The following BDP1 variants were observed in gnomAD, a reference collection of about 807,000 sequenced individuals.
The protein encoded by BDP1 is transcription factor TFIIIB component B'' homolog.
A neutral mutation model predicts 266.6 loss-of-function variants in BDP1; 169 were observed. That is an observed-to-expected ratio of 0.63 (90% confidence interval 0.56 to 0.72). BDP1 has a LOEUF of 0.72. BDP1 is among the 30% of genes least tolerant of loss of function. BDP1 has a pLI of 0.00. For synonymous variants in BDP1, 1,090 were observed against 1,022.4 expected, an observed-to-expected ratio of 1.07 and a Z score of -1.26; for missense variants, 3,015 against 3,053.8, an observed-to-expected ratio of 0.99 and a Z score of 0.30.
chr5:71,485,775 T>G (rs1360780616), intron 8 of BDP1, among the ~76,000 whole-genome samples: 1 of 152,192 alleles, frequency 6.6e-6, no homozygotes, highest in African/African-American at 2.4e-5. Flanking sequence ...CTGATACTTA[T>G]AAGAGTAAAT....
chr5:71,537,790 T>A (rs952168533), intron 26 of BDP1: 2 of 166,694 alleles, frequency 1.2e-5, no homozygotes, highest in African/African-American at 4.8e-5. Context: ...ACTAATCTCA[T>A]CTTGGGCTCT....
the BDP1 span, among the ~76,000 whole-genome samples, chr5:71,574,155 G>T: frequency 6.6e-6 from 1 of 152,152 alleles, no homozygotes; most frequent in Admixed American, 6.5e-5. Flanking sequence ...GGAGCCAAGG[G>T]TCAGACCCTA....
At chr5:71,495,659 G>C (rs1157402473) in intron 12 of BDP1, among the ~76,000 whole-genome samples, 1 of 152,048 alleles carries the variant, frequency 6.6e-6, no homozygotes. Context: ...TTTTAGGAAG[G>C]TGGTAACTTA....
intron 18 of BDP1, among the ~76,000 whole-genome samples, chr5:71,512,898 A>G (rs1765007739): frequency 6.6e-6 from 1 of 151,736 alleles, no homozygotes; most frequent in Non-Finnish European, 1.5e-5. Flanking sequence ...TCTCTATAAA[A>G]TAAAAAAACA....
chr5:71,573,289 T>C, the BDP1 span, among the ~76,000 whole-genome samples: 10 of 150,970 alleles, frequency 6.6e-5, no homozygotes, highest in African/African-American at 2.4e-4. Context: ...AAAATTGGCC[T>C]ATACCACCTG....
intron 7 of BDP1, among the ~76,000 whole-genome samples, chr5:71,481,765 TC>T: frequency 6.6e-6 from 1 of 152,336 alleles, no homozygotes; most frequent in East Asian, 1.9e-4. Context: ...TTTATTATTT[TC>T]TTCTTTTCCC....
At chr5:71,552,039 C>T (rs1265889380) in intron 34 of BDP1, among the ~76,000 whole-genome samples, 1 of 149,892 alleles carries the variant, frequency 6.7e-6, no homozygotes, top group Non-Finnish European at 1.5e-5. Context: ...GGCTGCCGGG[C>T]GGAGACGCTC....
intron 28 of BDP1, 34 bp downstream of exon 28, chr5:71,539,683 A>G: frequency 7.0e-7 from 1 of 1,438,266 alleles, no homozygotes; most frequent in Non-Finnish European, 9.6e-7. Context: ...TCAAAAATAG[A>G]AACTTTTAAA....
At chr5:71,492,362 T>C (rs991076328) in intron 11 of BDP1, among the ~76,000 whole-genome samples, 1 of 152,196 alleles carries the variant, frequency 6.6e-6, no homozygotes. Flanking sequence ...CCACCAACAA[T>C]GTACAGGGTT....
chr5:71,455,765 G>A lies in BDP1; in HGVS notation c.-113G>A, dbSNP rs1423540888. 5 of 869,650 alleles carry A rather than the reference G, an allele frequency of 5.7e-6. No individual in the cohort carries two copies. In the Admixed American group the frequency reaches 1.4e-4, roughly 25 times the overall value. The allele number at this position is 869,650 out of a possible 1,614,324, so 53.9% of individuals were successfully genotyped here. On this transcript the variant is annotated 5_prime_UTR_variant, in exon 1 of 39. It adds an upstream start codon to the 5' untranslated region. Transcript: ENST00000358731. ...ACTACGGTAGCTGCCCCCTGAGCTG[G>A]TGGTGTGGCTTTGTGGGGAGGGCGT...
downstream of BDP1, among the ~76,000 whole-genome samples, chr5:71,572,262 CA>C (rs1744289920): frequency 6.6e-6 from 1 of 152,204 alleles, no homozygotes; most frequent in African/African-American, 2.4e-5. Flanking sequence ...TTCTTCCAAA[CA>C]TATTCTTTTG....
intron 19 of BDP1, 98 bp from the exon 20 acceptor site, chr5:71,514,846 A>G (rs746268321): frequency 4.9e-5 from 39 of 796,010 alleles, no homozygotes; most frequent in Non-Finnish European, 7.0e-5. Context: ...AGACTACCCT[A>G]TTATTCTTCA....
At chr5:71,468,714 C>T (rs764684864) in intron 6 of BDP1, among the ~76,000 whole-genome samples, 1 of 147,930 alleles carries the variant, frequency 6.8e-6, no homozygotes, top group Non-Finnish European at 1.5e-5. Context: ...TCAAGCGATT[C>T]TCCTGCCTCA....
intron 6 of BDP1, 102 bp from the exon 7 acceptor site, chr5:71,470,293 C>T (rs558296118): frequency 1.2e-6 from 1 of 842,056 alleles, no homozygotes; most frequent in Non-Finnish European, 1.9e-6. Context: ...GCATGGGGAT[C>T]TTTCTAGTAA....
intron 36 of BDP1, among the ~76,000 whole-genome samples, chr5:71,557,792 C>T (rs541286681): frequency 3.5e-4 from 54 of 152,232 alleles, no homozygotes; most frequent in Non-Finnish European, 5.0e-4. Flanking sequence ...CCCACCCCAG[C>T]CTCCAAAAGT....
chr5:71,474,065 C>T lies in BDP1; in HGVS notation c.1014+3576C>T, dbSNP rs566072238. ...GCGGATCTCGGCTCACTGCAAGCTCCGCCTCCCGGGTTCATGCCATTCTCC... is the reference window on the plus strand; with the variant it reads ...GCGGATCTCGGCTCACTGCAAGCTCTGCCTCCCGGGTTCATGCCATTCTCC... On this transcript the variant is annotated intron_variant, in intron 7 of 38. Transcript: ENST00000358731. Among the ~76,000 whole-genome samples, 21 of 152,000 alleles carry T rather than the reference C, an allele frequency of 1.4e-4. 1 individual carries two copies. The South Asian group carries it at 1.5e-3, about 11-fold the overall frequency.
intron 30 of BDP1, among the ~76,000 whole-genome samples, chr5:71,543,867 G>A (rs1235720514): frequency 6.6e-6 from 1 of 152,148 alleles, no homozygotes; most frequent in Non-Finnish European, 1.5e-5. Context: ...CACTAAACAT[G>A]ATGAAAAATA....
At chr5:71,527,732 A>G (rs1420906736) in intron 25 of BDP1, among the ~76,000 whole-genome samples, 2 of 152,092 alleles carry the variant, frequency 1.3e-5, no homozygotes, top group African/African-American at 4.8e-5. Flanking sequence ...ACATAGTTGT[A>G]TAAATACCTC....
intron 9 of BDP1, 26 bp from the exon 10 acceptor site, chr5:71,489,378 T>C (rs372954342): frequency 1.2e-4 from 188 of 1,548,518 alleles, no homozygotes; most frequent in Non-Finnish European, 1.6e-4. Context: ...TGTTTAAATA[T>C]TTATAGTAAT....
Sources: gnomAD v4.1 joint callset for allele counts (sites outside exome capture counted in the v4.1 genomes callset) on GRCh38, gnomAD v4.1.1 for gene constraint, MANE v1.5 for transcripts, NCBI Gene and HGNC (gene_info 2026-07-23, HGNC 2026-07-21) for gene names.